COL3A1: variants seen among roughly 807,000 people sequenced by gnomAD.
The protein encoded by COL3A1 is collagen type III alpha 1 chain, also known as collagen alpha-1(III) chain.
Under a neutral mutation model 200.9 loss-of-function variants are expected in COL3A1, and 46 were observed. The observed-to-expected ratio is 0.23, with a 90% CI of 0.18 to 0.29. The LOEUF (loss-of-function observed/expected upper bound fraction) is 0.29, where lower values mean the gene tolerates loss of function less well. Ranked by LOEUF, COL3A1 falls within the 10% of genes least tolerant of loss-of-function variation. COL3A1 has a pLI of 1.00. For missense variants in COL3A1, 1,367 were observed against 1,917.6 expected (o/e 0.71, Z 5.36); for synonymous variants, 650 against 628.0 (o/e 1.03, Z -0.52).
At chr2:188,998,487 T>C (rs1294768514) in intron 28 of COL3A1, among the ~76,000 whole-genome samples, 168 bp downstream of exon 28, 2 of 152,222 alleles carry the variant, frequency 1.3e-5, no homozygotes, top group Admixed American at 6.5e-5. Flanking sequence ...AACTATTATA[T>C]AGAGTTTGAA....
chr2:188,986,202 T>C (rs921443985), intron 4 of COL3A1, among the ~76,000 whole-genome samples: 1 of 152,030 alleles, frequency 6.6e-6, no homozygotes, highest in African/African-American at 2.4e-5. Context: ...GTATTCCTAT[T>C]GAACAGGATT....
In COL3A1 at chr2:188,994,210, A is replaced by G. The variant is rs1249230719; in HGVS notation, c.1195-24A>G. ...AAAAGAACATTCAAGTTCGGCTAAT[A>G]TAGTGTCTTTGGTTTGTTCTTAGGG... On this transcript the variant is annotated intron_variant, in intron 17 of 50. Coordinates refer to ENST00000304636, the MANE Select transcript of COL3A1 (RefSeq NM_000090.4). The surrounding 1 kb of genome is among the most constrained non-coding windows in gnomAD (Gnocchi z 4.5). 1 of 1,612,970 alleles carries G rather than the reference A, an allele frequency of 6.2e-7. No homozygotes were observed. The highest frequency in any genetic ancestry group is 2.2e-5 in the East Asian group (1 of 44,894).
intron 31 of COL3A1, 75 bp downstream of exon 31, chr2:188,999,652 A>G (rs769772544): frequency 1.9e-5 from 27 of 1,454,802 alleles, no homozygotes; most frequent in Non-Finnish European, 2.1e-5. Flanking sequence ...ACTCCTGGAA[A>G]GTAATCGACT....
intron 40 of COL3A1, 84 bp downstream of exon 40, chr2:189,004,448 T>C (rs543867319): frequency 3.1e-6 from 4 of 1,276,068 alleles, no homozygotes; most frequent in East Asian, 5.0e-5. Context: ...ATGAAAAGTT[T>C]TTCTGTCACT....
rs140646380 is a variant in COL3A1 at position 189,010,657 on chromosome 2, G to T, written c.4021G>T (p.Gly1341Cys). ...TTGTTCCCTATTACAGTTTAGCTAC[G>T]GCAATCCTGAACTTCCTGAAGATGT... The part of the protein sequence containing the change: ...SMDGGFQFSY[G>C]NPELPEDVLD... The change falls in exon 50 of 51, where the codon GGC (glycine) becomes TGC (cysteine). Residue 1341 changes from glycine to cysteine, a missense_variant. This residue lies in a region of COL3A1 where 846 missense variants were observed against 1,147.9 expected (regional missense o/e 0.74). Transcript: ENST00000304636. 4 of 1,614,030 alleles carry T rather than the reference G, an allele frequency of 2.5e-6. No individual in the cohort carries two copies. Among genetic ancestry groups the T allele is most frequent in the East Asian group, 2.2e-5 (1 of 44,884 alleles).
intron 47 of COL3A1, chr2:189,008,362 A>G (rs1688643910): frequency 7.0e-6 from 4 of 568,840 alleles, no homozygotes; most frequent in Non-Finnish European, 1.3e-5. Flanking sequence ...TCAGGTATCC[A>G]TCGTATCAGA....
At chr2:189,002,679 T>A (rs571913698) in intron 35 of COL3A1, among the ~76,000 whole-genome samples, 1 of 152,238 alleles carries the variant, frequency 6.6e-6, no homozygotes, top group African/African-American at 2.4e-5. Flanking sequence ...CTCAAAAAAA[T>A]TTACTGGTGC....
chr2:189,008,313 A>T lies in COL3A1; in HGVS notation c.3525+171A>T. The T allele has an allele frequency of 1.9e-5, 13 of 672,016 alleles. No homozygotes were observed. The South Asian group carries it at 2.3e-4, about 12-fold the overall frequency. 41.6% of individuals were successfully genotyped at this position (672,016 alleles called of 1,614,324 possible). On this transcript the variant is annotated intron_variant, in intron 47 of 50. Transcript: ENST00000304636. ...CCATCACATTAAAAATGTTTCTACC[A>T]CACTATAACAGGAGAAAAATACCTT...
In COL3A1 at chr2:189,003,077, C is replaced by CT; in HGVS notation, c.2553+18dup. 1.3e-6 allele frequency: 2 copies of CT among 1,510,910 alleles called. No individual in the cohort carries two copies. The highest frequency in any genetic ancestry group is 1.8e-6 in the Non-Finnish European group (2 of 1,110,060). 93.6% of individuals were successfully genotyped at this position (1,510,910 alleles called of 1,614,324 possible). On this transcript the variant is annotated intron_variant, in intron 36 of 50. Coordinates refer to ENST00000304636, the MANE Select transcript of COL3A1 (RefSeq NM_000090.4). ...CTGGACCTGCTGTAAGTTCCTTCCT[C>CT]TTTCTCTGTCTATCTATCTATCATC... is the stretch of plus-strand genomic sequence containing the variant.
At chr2:189,003,835 A>C (rs1688525814) in intron 38 of COL3A1, 48 bp downstream of exon 38, 1 of 1,598,520 alleles carries the variant, frequency 6.3e-7, no homozygotes, top group Non-Finnish European at 8.6e-7. Context: ...CAGAAAGAGC[A>C]TTCATGTATG....
rs1553508027 is a variant in COL3A1, at chr2:188,995,049, G to T, written c.1459G>T (p.Ala487Ser). The T allele has an allele frequency of 1.9e-6, 3 of 1,614,132 alleles. No homozygotes were observed. Among genetic ancestry groups the T allele is most frequent in the African/African-American group, 1.3e-5 (1 of 75,046 alleles). Residue 487 changes from alanine (A) to serine (S), a missense_variant, in exon 21 of 51, where the codon GCC (alanine) becomes TCC (serine). Physicochemically the swap from Ala to Ser is moderately conservative, Grantham distance 99. Transcript: ENST00000304636. Reference protein sequence around the residue: ...GLPGAAGERGAPGFRGPAGPN... With the variant: ...GLPGAAGERGSPGFRGPAGPN... ...ACTTGTCTTTCATTATTTTCAGGGT[G>T]CCCCTGGGTTCCGAGGACCTGCTGG...
chr2:189,004,418 A>G (rs1688543593), intron 40 of COL3A1, 54 bp downstream of exon 40: 2 of 1,481,598 alleles, frequency 1.3e-6, no homozygotes, highest in South Asian at 1.2e-5. Flanking sequence ...GCCTTCAGAG[A>G]TCACTTAACC....
rs376150311 is a variant in COL3A1 at position 188,974,831 on chromosome 2, T to G, written c.79+263T>G. Among the ~76,000 whole-genome samples the G allele has an allele frequency of 4.6e-5, 7 of 152,308 alleles. No homozygotes were observed. In the East Asian group the frequency reaches 1.2e-3, roughly 25 times the overall value. On this transcript the variant is annotated intron_variant, in intron 1 of 50. Transcript: ENST00000304636. ...TTTTCATGTTAAAGGCACTGGAAAC[T>G]TTTAAAAATGGCTTTAAAATTTTTC...
In COL3A1 at chr2:189,012,180, A is replaced by G. The variant is rs770571552; in HGVS notation, c.*406A>G. On this transcript the variant is annotated 3_prime_UTR_variant, in exon 51 of 51. Transcript: ENST00000304636. Reference sequence around the variant, plus strand: ...AAATTAGAAAAGCCCTCCCTATTTTAACTACCTCAACTGGTCAGAAACACA... The same window carrying G: ...AAATTAGAAAAGCCCTCCCTATTTTGACTACCTCAACTGGTCAGAAACACA... The G allele has an allele frequency of 1.3e-4, 23 of 182,530 alleles. No homozygotes were observed. The highest frequency in any genetic ancestry group is 4.7e-5 in the Non-Finnish European group (4 of 85,942). 11.3% of individuals were successfully genotyped at this position (182,530 alleles called of 1,614,324 possible). A position where few individuals can be genotyped will look rare whatever the true frequency, so the allele number is the denominator to read the frequency against.
At chr2:188,980,422 TC>T (rs1559051175) in intron 1 of COL3A1, among the ~76,000 whole-genome samples, 49 of 56,942 alleles carry the variant, frequency 8.6e-4, no homozygotes, top group East Asian at 2.4e-3. Context: ...AAAAGATTAA[TC>T]TTTTAGACAA....
In COL3A1 at chr2:188,994,272, A is replaced by T. The variant is rs573198491; in HGVS notation, c.1233A>T (p.Gly411=). ...TTCCTGGAGCTCCTGGACTGATGGGAGCCCGGGGTCCTCCAGGACCAGCCG... is the reference window on the plus strand; with the variant it reads ...TTCCTGGAGCTCCTGGACTGATGGGTGCCCGGGGTCCTCCAGGACCAGCCG... ...AGIPGAPGLM[G]ARGPPGPAGA... The change falls in exon 18 of 51, where the codon GGA becomes GGT. Residue 411 remains glycine, a synonymous_variant. Transcript: ENST00000304636. This position sits in a 1 kb window ranked among gnomAD's most constrained non-coding sequence, Gnocchi z 4.5. The T allele has an allele frequency of 1.2e-5, 19 of 1,613,948 alleles. No homozygotes were observed. In the South Asian group the frequency reaches 2.1e-4, roughly 18 times the overall value.
intron 42 of COL3A1, 23 bp downstream of exon 42, chr2:189,006,282 T>A: frequency 6.2e-7 from 1 of 1,613,914 alleles, no homozygotes. Context: ...CATGTGCAAT[T>A]GATTTGTGTT....
At chr2:189,008,407 T>G in intron 47 of COL3A1, 1 of 500,700 alleles carries the variant, frequency 2.0e-6, no homozygotes, top group Non-Finnish European at 3.6e-6. Flanking sequence ...AAATAAACCC[T>G]GTCCACATTG....
In COL3A1 at chr2:189,004,245, T is replaced by A; in HGVS notation, c.2824-12T>A. ...ACATAAAGATGAGCTAAGTCTTCAT[T>A]ATCTGTATTAGGGAGCTCCAGGCCC... is the stretch of plus-strand genomic sequence containing the variant. On this transcript the variant is annotated splice_polypyrimidine_tract_variant and intron_variant, in intron 39 of 50. Transcript: ENST00000304636. 6.2e-7 allele frequency: 1 copy of A among 1,600,580 alleles called. No individual in the cohort carries two copies. Among genetic ancestry groups the A allele is most frequent in the Non-Finnish European group, 8.5e-7 (1 of 1,173,352 alleles).
Sources: allele counts gnomAD v4.1 joint callset (sites outside exome capture counted in the v4.1 genomes callset), GRCh38; gene constraint gnomAD v4.1.1; regional missense constraint gnomAD v4.1.1; non-coding constraint Gnocchi (gnomAD v3.1); transcripts MANE v1.5; gene names NCBI Gene and HGNC (gene_info 2026-07-23, HGNC 2026-07-21).